Variants in MAP3K20 observed in about 807,000 individuals in gnomAD.
MAP3K20 encodes HCCS-4.
Under a neutral mutation model 85.7 loss-of-function variants are expected in MAP3K20, and 40 were observed. That is an observed-to-expected ratio of 0.47 (90% CI 0.36 to 0.61). The LOEUF is 0.61. Among genes scored for constraint, MAP3K20 ranks in the 20% least tolerant of loss-of-function variants. The pLI is 0.00. For missense variants in MAP3K20, 817 were observed against 961.7 expected (o/e 0.85, Z 1.99); for synonymous variants, 325 against 327.7 (o/e 0.99, Z 0.09).
At chr2:173,142,299 T>C (rs1178746766) in intron 2 of MAP3K20, among the ~76,000 whole-genome samples, 3 of 151,926 alleles carry the variant, frequency 2.0e-5, no homozygotes, top group African/African-American at 7.3e-5. Context: ...GGTAAAACCC[T>C]GACTCTACTA....
intron 16 of MAP3K20, among the ~76,000 whole-genome samples, chr2:173,242,017 A>G (rs547678333): frequency 6.6e-6 from 1 of 152,278 alleles, no homozygotes; most frequent in South Asian, 2.1e-4. Flanking sequence ...ATGGTAAACA[A>G]ATTGCACATT....
In MAP3K20 at chr2:173,219,215, G is replaced by T. The variant is rs377715429; in HGVS notation, c.987+1965G>T. Reference sequence around the variant, plus strand: ...CATTTTAAAAAGGAAGTGGCTGGAGGTTTAGCTTTCCTGTAGGTGGCCTCA... The same window carrying T: ...CATTTTAAAAAGGAAGTGGCTGGAGTTTTAGCTTTCCTGTAGGTGGCCTCA... On this transcript the variant is annotated intron_variant, in intron 11 of 19. Transcript: ENST00000375213. 2.0e-3 allele frequency among the ~76,000 whole-genome samples: 310 copies of T among 152,296 alleles called. 6 individuals are homozygous for T. The South Asian group carries it at 0.055, about 27-fold the overall frequency.
chr2:173,085,230 G>T (rs1687114245), intron 1 of MAP3K20, among the ~76,000 whole-genome samples: 1 of 152,112 alleles, frequency 6.6e-6, no homozygotes, highest in African/African-American at 2.4e-5. Flanking sequence ...GGTCATTTTT[G>T]TTTTTAATTT....
At chr2:173,246,606 G>C (rs772881341) in intron 16 of MAP3K20, among the ~76,000 whole-genome samples, 2 of 152,098 alleles carry the variant, frequency 1.3e-5, no homozygotes, top group African/African-American at 2.4e-5. Context: ...TTGAGACTTC[G>C]TGTGTCATAA....
intron 16 of MAP3K20, among the ~76,000 whole-genome samples, chr2:173,248,741 C>G (rs968323719): frequency 1.3e-5 from 2 of 151,998 alleles, no homozygotes; most frequent in Non-Finnish European, 2.9e-5. Flanking sequence ...TTTCAAGTTA[C>G]CAATCTGGCA....
At chr2:173,238,575 T>C (rs1282388093) in intron 15 of MAP3K20, 140 bp downstream of exon 15, 1 of 719,638 alleles carries the variant, frequency 1.4e-6, no homozygotes, top group Admixed American at 3.1e-5. Flanking sequence ...AAAGGCCCTT[T>C]GAAGCAAGGG....
At chr2:173,230,570 C>A (rs1203619567) in intron 12 of MAP3K20, among the ~76,000 whole-genome samples, 2 of 152,208 alleles carry the variant, frequency 1.3e-5, no homozygotes, top group Admixed American at 1.3e-4. Flanking sequence ...AGGCTGCACT[C>A]AGACTGTTGA....
chr2:173,087,363 G>A (rs1687171485), intron 1 of MAP3K20, among the ~76,000 whole-genome samples: 1 of 152,230 alleles, frequency 6.6e-6, no homozygotes, highest in South Asian at 2.1e-4. Flanking sequence ...GTAGAAATGT[G>A]GAGATGTGAG....
intron 1 of MAP3K20, among the ~76,000 whole-genome samples, chr2:173,078,541 C>T (rs1226204351): frequency 6.6e-6 from 1 of 152,100 alleles, no homozygotes; most frequent in African/African-American, 2.4e-5. Flanking sequence ...AATGCTAGAG[C>T]TTAGATTGAT....
chr2:173,224,175 G>A, intron 11 of MAP3K20: 1 of 894,018 alleles, frequency 1.1e-6, no homozygotes, highest in Non-Finnish European at 1.3e-6. Context: ...CCATGGGTGG[G>A]TGTTGAGGTT....
At position 173,230,756 on chromosome 2, in the gene MAP3K20, G is replaced by A. The variant is rs193003449; in HGVS notation, c.1032+1023G>A. Among the ~76,000 whole-genome samples, 384 of 152,284 alleles carry A rather than the reference G, an allele frequency of 2.5e-3. 2 individuals are homozygous for A. Among genetic ancestry groups the A allele is most frequent in the Non-Finnish European group, 3.9e-3 (265 of 68,016 alleles). ...GTGGCCTGTAATCCCAGCACTTTGG[G>A]AGGCTGAGGCAGGAGGATCACTTGA... On this transcript the variant is annotated intron_variant, in intron 12 of 19. Transcript: ENST00000375213.
chr2:173,098,316 T>A (rs1687523525), intron 2 of MAP3K20, among the ~76,000 whole-genome samples: 1 of 152,184 alleles, frequency 6.6e-6, no homozygotes, highest in South Asian at 2.1e-4. Flanking sequence ...AAGTTGAGTA[T>A]CCCTAATCTG....
intron 2 of MAP3K20, among the ~76,000 whole-genome samples, chr2:173,098,637 G>A (rs1467056115): frequency 6.6e-6 from 1 of 152,132 alleles, no homozygotes; most frequent in Non-Finnish European, 1.5e-5. Context: ...TACTCAACCC[G>A]TACTTTCAAA....
At chr2:173,076,440 G>A (rs1686864046) in intron 1 of MAP3K20, among the ~76,000 whole-genome samples, 1 of 152,106 alleles carries the variant, frequency 6.6e-6, no homozygotes, top group South Asian at 2.1e-4. Flanking sequence ...GGCGAACCGC[G>A]AGGCCCCCAA....
chr2:173,156,206 C>T (rs573888787), intron 2 of MAP3K20, among the ~76,000 whole-genome samples: 20 of 152,276 alleles, frequency 1.3e-4, no homozygotes, highest in South Asian at 8.3e-4. Flanking sequence ...TTTCAGCCTT[C>T]GTGTTTTGAG....
chr2:173,125,545 G>A (rs956330906), intron 2 of MAP3K20, among the ~76,000 whole-genome samples: 3 of 151,834 alleles, frequency 2.0e-5, no homozygotes, highest in Admixed American at 1.3e-4. Flanking sequence ...TTTATTGAAT[G>A]TACTAGCATT....
intron 2 of MAP3K20, among the ~76,000 whole-genome samples, chr2:173,100,774 C>T (rs1268701713): frequency 1.3e-5 from 2 of 152,166 alleles, no homozygotes; most frequent in African/African-American, 2.4e-5. Flanking sequence ...TGTCACTGTG[C>T]AGTGCTTTAA....
At chr2:173,240,312 T>C (rs1684752158) in intron 16 of MAP3K20, among the ~76,000 whole-genome samples, 1 of 152,148 alleles carries the variant, frequency 6.6e-6, no homozygotes, top group African/African-American at 2.4e-5. Context: ...CAAGGGACCT[T>C]ATAAATACAC....
chr2:173,211,001 C>CT (rs1436993390), intron 10 of MAP3K20: 3 of 152,116 alleles, frequency 2.0e-5, no homozygotes, highest in Non-Finnish European at 2.9e-5. Context: ...GTATAAGGGA[C>CT]TTTTTTCTGG....
Sources: gnomAD v4.1 joint callset for allele counts (sites outside exome capture counted in the v4.1 genomes callset) on GRCh38, gnomAD v4.1.1 for gene constraint, MANE v1.5 for transcripts, NCBI Gene and HGNC (gene_info 2026-07-23, HGNC 2026-07-21) for gene names.